The following AOPEP variants were observed in gnomAD, a reference collection of about 807,000 sequenced individuals.
AOPEP encodes the protein aminopeptidase O.
A neutral mutation model predicts 98.1 loss-of-function variants in AOPEP; 77 were observed. That is an observed-to-expected ratio of 0.78 (90% CI 0.65 to 0.95). The LOEUF (loss-of-function observed/expected upper bound fraction) is 0.95. Ranked by LOEUF, AOPEP falls within the 40% of genes least tolerant of loss-of-function variation. The pLI is 0.00. For missense variants in AOPEP, 1,024 were observed against 1,024.7 expected, an observed-to-expected ratio of 1.00 and a Z score of 0.01; for synonymous variants, 346 against 365.3, an observed-to-expected ratio of 0.95 and a Z score of 0.60.
intron 16 of AOPEP, chr9:95,083,077 A>C: frequency 4.4e-6 from 1 of 225,320 alleles, no homozygotes; most frequent in South Asian, 6.6e-5. Context: ...GAAGCCTGGC[A>C]GAAGCGCTGG....
intron 13 of AOPEP, among the ~76,000 whole-genome samples, chr9:95,038,213 A>G (rs1410229596): frequency 2.0e-5 from 3 of 152,238 alleles, no homozygotes; most frequent in Admixed American, 1.3e-4. Context: ...AAGTGATGAT[A>G]TAACTAAACC....
At chr9:94,992,449 A>G (rs1268060310) in intron 11 of AOPEP, among the ~76,000 whole-genome samples, 1 of 152,222 alleles carries the variant, frequency 6.6e-6, no homozygotes, top group Non-Finnish European at 1.5e-5. Flanking sequence ...GGTGCATAAC[A>G]TGCAAGACAG....
At chr9:95,123,865 G>T in the AOPEP span, 2 of 582,592 alleles carry the variant, frequency 3.4e-6, no homozygotes, top group Admixed American at 4.0e-5. Context: ...CAAAGCCCAC[G>T]TAAGGAGTTG....
chr9:94,803,784 C>T (rs1848673766), intron 5 of AOPEP, among the ~76,000 whole-genome samples: 2 of 152,232 alleles, frequency 1.3e-5, no homozygotes, highest in South Asian at 2.1e-4. Context: ...ATCACTGTTC[C>T]AGGGGAGAGG....
intron 14 of AOPEP, among the ~76,000 whole-genome samples, chr9:95,067,095 T>G (rs191342679): frequency 6.6e-6 from 1 of 151,394 alleles, no homozygotes; most frequent in African/African-American, 2.4e-5. Flanking sequence ...AGGTGGCTTT[T>G]CTGCCTTCTG....
At chr9:94,829,208 A>G (rs779844721) in intron 5 of AOPEP, among the ~76,000 whole-genome samples, 8 of 152,012 alleles carry the variant, frequency 5.3e-5, no homozygotes, top group Non-Finnish European at 1.2e-4. Flanking sequence ...ACACACACAC[A>G]CACACGCACA....
rs77850292 is a variant in AOPEP, at chr9:94,864,278, T to C, written c.1365-59708T>C. On this transcript the variant is annotated intron_variant, in intron 5 of 16. Transcript: ENST00000375315. ...ATAAATGAACGAAATAATTATGAGA[T>C]AATAGTAAGTACTATATGAAAAAAG... 6.0e-4 allele frequency among the ~76,000 whole-genome samples: 91 copies of C among 152,326 alleles called. 1 individual carries two copies. The East Asian group carries it at 0.015, about 25-fold the overall frequency.
chr9:95,094,187 G>C, the AOPEP span, among the ~76,000 whole-genome samples: 2 of 152,332 alleles, frequency 1.3e-5, no homozygotes, highest in Admixed American at 1.3e-4. Context: ...ACAGGCGCCG[G>C]CATATCCACG....
At chr9:94,793,810 G>C (rs1042885150) in intron 4 of AOPEP, among the ~76,000 whole-genome samples, 1 of 152,230 alleles carries the variant, frequency 6.6e-6, no homozygotes, top group African/African-American at 2.4e-5. Context: ...ATTTATATGT[G>C]TTTGGCTAAA....
intron 7 of AOPEP, chr9:94,933,624 C>T (rs2055753046): frequency 1.0e-6 from 1 of 985,430 alleles, no homozygotes; most frequent in Non-Finnish European, 1.2e-6. Context: ...GGGGGAAAAC[C>T]CCAAGTATGT....
chr9:94,901,216 T>C (rs780121199), intron 5 of AOPEP, among the ~76,000 whole-genome samples: 1 of 152,258 alleles, frequency 6.6e-6, no homozygotes, highest in African/African-American at 2.4e-5. Context: ...CTTATACTTA[T>C]GGCCCTTTCA....
At chr9:94,793,236 G>T (rs1038512483) in intron 4 of AOPEP, among the ~76,000 whole-genome samples, 2 of 151,824 alleles carry the variant, frequency 1.3e-5, no homozygotes, top group Non-Finnish European at 2.9e-5. Context: ...GCGTCCCAGC[G>T]ACTCGGGAGG....
At chr9:94,934,248 C>T (rs1336574191) in intron 7 of AOPEP, among the ~76,000 whole-genome samples, 2 of 151,810 alleles carry the variant, frequency 1.3e-5, no homozygotes, top group African/African-American at 2.4e-5. Flanking sequence ...GGTCCTCTGT[C>T]CTCCACCCTC....
intron 14 of AOPEP, among the ~76,000 whole-genome samples, chr9:95,075,572 A>G (rs1377251982): frequency 1.3e-5 from 2 of 152,220 alleles, no homozygotes; most frequent in African/African-American, 4.8e-5. Flanking sequence ...AGTTACTAGA[A>G]AGGATTTTAT....
chr9:94,877,220 C>T (rs910344547), intron 5 of AOPEP, among the ~76,000 whole-genome samples: 31 of 152,158 alleles, frequency 2.0e-4, no homozygotes, highest in African/African-American at 7.2e-4. Flanking sequence ...TTCCTCAGAC[C>T]CAATAGAAGC....
intron 7 of AOPEP, 150 bp downstream of exon 7, chr9:94,928,681 A>T (rs548732943): frequency 1.7e-6 from 1 of 590,526 alleles, no homozygotes; most frequent in East Asian, 3.1e-5. Context: ...GTTATGTTCT[A>T]AGTCTTTCAG....
At chr9:95,109,187 C>A in the AOPEP span, among the ~76,000 whole-genome samples, 6 of 152,324 alleles carry the variant, frequency 3.9e-5, no homozygotes, top group African/African-American at 4.8e-5. Flanking sequence ...GCTGAGATTA[C>A]AGGCATGAAC....
chr9:94,838,133 C>A (rs181113616), intron 5 of AOPEP, among the ~76,000 whole-genome samples: 6 of 152,086 alleles, frequency 3.9e-5, no homozygotes, highest in African/African-American at 1.2e-4. Context: ...CTCAGCCTCC[C>A]GAGTAGCTGG....
At chr9:94,946,912 A>G in intron 7 of AOPEP, among the ~76,000 whole-genome samples, 1 of 152,032 alleles carries the variant, frequency 6.6e-6, no homozygotes, top group East Asian at 1.9e-4. Context: ...CCAGAAAGGA[A>G]GGACAAGTGT....
Sources: gnomAD v4.1 joint callset for allele counts (sites outside exome capture counted in the v4.1 genomes callset) on GRCh38, gnomAD v4.1.1 for gene constraint, MANE v1.5 for transcripts, NCBI Gene and HGNC (gene_info 2026-07-23, HGNC 2026-07-21) for gene names.